The following CHODL variants were observed in gnomAD, a reference collection of about 807,000 sequenced individuals.
The protein encoded by CHODL is transmembrane protein MT75.
Under a neutral mutation model 34.5 loss-of-function variants are expected in CHODL, and 29 were observed. The ratio of observed to expected loss-of-function variants is 0.84; its 90% CI spans 0.63 to 1.15. CHODL has a LOEUF of 1.15. Among genes scored for constraint, CHODL ranks in the 50% most tolerant of loss-of-function variants. The probability of loss-of-function intolerance (pLI) is 0.00; values close to 1 mark genes in which losing one functional copy is unlikely to be tolerated. For missense variants in CHODL, 332 were observed against 332.5 expected (o/e 1.00, Z 0.01); for synonymous variants, 125 against 116.1 (o/e 1.08, Z -0.49).
chr21:17,959,843 T>C (rs2063519220), intron 1 of CHODL, among the ~76,000 whole-genome samples: 1 of 152,184 alleles, frequency 6.6e-6, no homozygotes, highest in African/African-American at 2.4e-5. Context: ...GATTCAATGT[T>C]CTAACAAATA....
chr21:18,239,054 C>T (rs1336161178), intron 2 of CHODL, among the ~76,000 whole-genome samples: 2 of 152,070 alleles, frequency 1.3e-5, no homozygotes, highest in Admixed American at 1.3e-4. Context: ...CTTACTGTAA[C>T]ATGCTCCGTT....
intron 2 of CHODL, among the ~76,000 whole-genome samples, chr21:18,225,844 A>C (rs1443690701): frequency 1.3e-5 from 2 of 152,184 alleles, no homozygotes; most frequent in Non-Finnish European, 1.5e-5. Flanking sequence ...CAGTTATTGA[A>C]AAATATAAAT....
chr21:18,013,635 C>CTTTTATTTTTTTTTTTTTTTTT (rs2064040886), intron 1 of CHODL, among the ~76,000 whole-genome samples: 1 of 71,896 alleles, frequency 1.4e-5, no homozygotes, highest in East Asian at 2.9e-4. Context: ...GCTGCTGCTG[C>CTTTTATTTTTTTTTTTTTTTTT]TTTTTTTTTT....
rs1424003822 is a variant in CHODL at position 18,260,691 on chromosome 21, G to A, written c.634+405G>A. On this transcript the variant is annotated intron_variant, in intron 4 of 5. Coordinates refer to ENST00000299295, the MANE Select transcript of CHODL (RefSeq NM_024944.3). ...TAGCCTGGCGTGGAGGTACACACCT[G>A]CAGTCCCAGCTACTGGGAAGCTGAG... is the stretch of plus-strand genomic sequence containing the variant. Among the ~76,000 whole-genome samples the A allele has an allele frequency of 2.0e-5, 3 of 152,216 alleles. No individual in the cohort carries two copies. The East Asian group carries it at 5.8e-4, about 30-fold the overall frequency.
rs145107373 is a variant in CHODL at position 17,923,754 on chromosome 21, C to T, written c.-145+6354C>T. Among the ~76,000 whole-genome samples, 1,215 of 152,250 alleles carry T rather than the reference C, an allele frequency of 8.0e-3. 19 individuals carry two copies. The highest frequency in any genetic ancestry group is 0.027 in the African/African-American group (1,125 of 41,542). ...GGGATTACAGGCCTGAGCCACTGTG[C>T]CTGGCCAGTTCTTCAGTTTTATACA... On this transcript the variant is annotated intron_variant, in intron 1 of 6. Transcript: ENST00000400127.
chr21:17,965,779 T>C (rs2063567358), intron 1 of CHODL, among the ~76,000 whole-genome samples: 1 of 152,142 alleles, frequency 6.6e-6, no homozygotes, highest in South Asian at 2.1e-4. Context: ...AAAGAATGAA[T>C]GCATAGATGA....
chr21:18,055,308 A>C (rs533544893), intron 2 of CHODL, among the ~76,000 whole-genome samples: 19 of 152,136 alleles, frequency 1.2e-4, no homozygotes, highest in Non-Finnish European at 1.5e-4. Flanking sequence ...AAGAAACACC[A>C]GTTCTCTTCC....
intron 2 of CHODL, among the ~76,000 whole-genome samples, chr21:18,172,767 A>C (rs2073247575): frequency 6.6e-6 from 1 of 152,178 alleles, no homozygotes; most frequent in African/African-American, 2.4e-5. Flanking sequence ...GTAACAACCA[A>C]AAATTTTGAC....
At chr21:18,243,800 A>G (rs2034951796), upstream of CHODL, among the ~76,000 whole-genome samples, 1 of 152,214 alleles carries the variant, frequency 6.6e-6, no homozygotes, top group Non-Finnish European at 1.5e-5. Context: ...CCAATAAAAC[A>G]GTCCAACAGA....
In CHODL at chr21:18,245,061, C is replaced by A. The variant is rs907802722; in HGVS notation, c.-163C>A. On this transcript the variant is annotated 5_prime_UTR_variant, in exon 1 of 6. Coordinates refer to ENST00000299295, the MANE Select transcript of CHODL (RefSeq NM_024944.3). ...CACAGGCGCGGCAGGCGGCAGGTCC[C>A]GGCCGAAGGCGATGCGCGCAGGGGG... The A allele has an allele frequency of 2.3e-5, 13 of 559,888 alleles. 1 individual carries two copies. Among genetic ancestry groups the A allele is most frequent in the Non-Finnish European group, 3.8e-5 (13 of 344,748 alleles). The allele number at this position is 559,888 out of a possible 1,614,324, so 34.7% of individuals were successfully genotyped here.
rs79804188 is a variant in CHODL at position 18,054,255 on chromosome 21, G to A, written c.-45+26284G>A. Among the ~76,000 whole-genome samples the A allele has an allele frequency of 8.7e-3, 1,326 of 152,058 alleles. 46 individuals carry two copies. The highest frequency in any genetic ancestry group is 0.085 in the East Asian group (436 of 5,148). On this transcript the variant is annotated intron_variant, in intron 2 of 6. Coordinates refer to the CHODL transcript ENST00000400127. The stretch of plus-strand genomic sequence containing the variant: ...GAGGCAGAAAACTTAACTAACTGAT[G>A]TGTGATAGAGAACCTGTTCTAATAA...
chr21:18,176,086 G>A (rs1475268144), intron 2 of CHODL, among the ~76,000 whole-genome samples: 2 of 152,138 alleles, frequency 1.3e-5, no homozygotes, highest in Non-Finnish European at 2.9e-5. Flanking sequence ...GGAAAATAAA[G>A]ACATGCCGGT....
At chr21:18,016,707 T>C (rs2064077714) in intron 1 of CHODL, among the ~76,000 whole-genome samples, 1 of 152,208 alleles carries the variant, frequency 6.6e-6, no homozygotes, top group Non-Finnish European at 1.5e-5. Context: ...GTAGATCCAC[T>C]GACAGCTTGC....
rs3859706 is a variant in CHODL at position 18,065,780 on chromosome 21, T to C, written c.-45+37809T>C. Among the ~76,000 whole-genome samples, 1,623 of 152,274 alleles carry C rather than the reference T, an allele frequency of 0.011. 92 individuals carry two copies. The East Asian group carries it at 0.15, about 14-fold the overall frequency. ...TATGAAAGACTATGGCACTTTTGGT[T>C]TCCTTGGCAGGAAAAGCTCAAATGA... On this transcript the variant is annotated intron_variant, in intron 2 of 6. Transcript: ENST00000400127.
chr21:17,930,657 CAG>C (rs1381133688), intron 1 of CHODL, among the ~76,000 whole-genome samples: 1 of 152,176 alleles, frequency 6.6e-6, no homozygotes, highest in Non-Finnish European at 1.5e-5. Flanking sequence ...GCACATTGTC[CAG>C]AGAGCCATTT....
intron 2 of CHODL, among the ~76,000 whole-genome samples, chr21:18,066,389 A>G (rs1173974626): frequency 2.0e-5 from 3 of 151,270 alleles, no homozygotes; most frequent in Non-Finnish European, 2.9e-5. Flanking sequence ...TGTTTAATTC[A>G]TATTTGAATA....
At chr21:18,180,491 T>A (rs75336909) in intron 2 of CHODL, among the ~76,000 whole-genome samples, 13,079 of 152,218 alleles carry the variant, frequency 0.086, 647 homozygotes, top group East Asian at 0.21. Context: ...AGAAACTGCA[T>A]GTTTCCTGTT....
rs548832849 is a variant in CHODL, at chr21:18,044,310, T to C, written c.-45+16339T>C. On this transcript the variant is annotated intron_variant, in intron 2 of 6. Transcript: ENST00000400127. ...CTTGTATTTACATTTAAAACTAACA[T>C]TGAACAATATAAATAGTGAAGTTCA... Among the ~76,000 whole-genome samples the C allele has an allele frequency of 2.0e-5, 3 of 152,144 alleles. No homozygotes were observed. The East Asian group carries it at 5.8e-4, about 30-fold the overall frequency.
intron 1 of CHODL, among the ~76,000 whole-genome samples, chr21:17,959,637 A>G (rs2063517717): frequency 6.6e-6 from 1 of 152,194 alleles, no homozygotes; most frequent in Non-Finnish European, 1.5e-5. Flanking sequence ...TATAAGGAAT[A>G]CATCTAGCTT....
Sources: gnomAD v4.1 joint callset for allele counts (sites outside exome capture counted in the v4.1 genomes callset) on GRCh38, gnomAD v4.1.1 for gene constraint, MANE v1.5 for transcripts, NCBI Gene and HGNC (gene_info 2026-07-23, HGNC 2026-07-21) for gene names.